Variants in CPE observed in about 807,000 individuals in gnomAD.
CPE encodes carbocypeptidase E.
In CPE, 17 loss-of-function variants were observed where a neutral mutation model predicts 53.5. The ratio of observed to expected loss-of-function variants is 0.32; its 90% CI spans 0.22 to 0.48. The LOEUF is 0.48. Ranked by LOEUF, CPE falls within the 20% of genes least tolerant of loss-of-function variation. The pLI is 0.99. For missense variants in CPE, 524 were observed against 614.7 expected, an observed-to-expected ratio of 0.85 and a Z score of 1.56; for synonymous variants, 226 against 228.8, an observed-to-expected ratio of 0.99 and a Z score of 0.11.
intron 1 of CPE, among the ~76,000 whole-genome samples, chr4:165,418,562 T>C (rs745309960): frequency 3.3e-5 from 5 of 152,206 alleles, no homozygotes; most frequent in Non-Finnish European, 5.9e-5. Flanking sequence ...AAATGAGAGA[T>C]GCGTTATTCC....
Position 165,404,940 on chromosome 4 carries a change from C to A in CPE, c.307+25412C>A, listed in dbSNP as rs1579246032. The A allele has an allele frequency of 9.2e-6, 7 of 759,234 alleles. No individual in the cohort carries two copies. In the East Asian group the frequency reaches 1.7e-4, roughly 19 times the overall value. The allele number at this position is 759,234 out of a possible 1,614,324, so 47.0% of individuals were successfully genotyped here. ...ACTGGGAGAGGAGATGTGTTACTAG[C>A]AAAGACGTAGTGATCTGGAATCACT... On this transcript the variant is annotated intron_variant, in intron 1 of 8. Coordinates refer to ENST00000402744, the MANE Select transcript of CPE (RefSeq NM_001873.4).
chr4:165,457,753 A>G (rs1731925539), intron 1 of CPE, among the ~76,000 whole-genome samples: 1 of 152,216 alleles, frequency 6.6e-6, no homozygotes, highest in African/African-American at 2.4e-5. Flanking sequence ...AAGCAAGAAG[A>G]GAGAATATAA....
At chr4:165,390,603 A>G (rs144185834) in intron 1 of CPE, among the ~76,000 whole-genome samples, 1 of 152,328 alleles carries the variant, frequency 6.6e-6, no homozygotes, top group Non-Finnish European at 1.5e-5. Flanking sequence ...GAATGTTATT[A>G]AATACTTAGA....
chr4:165,389,901 C>T (rs1004679499), intron 1 of CPE, among the ~76,000 whole-genome samples: 3 of 152,136 alleles, frequency 2.0e-5, no homozygotes, highest in Non-Finnish European at 4.4e-5. Flanking sequence ...TCTGTCTTCT[C>T]CTGGAATCAA....
chr4:165,394,873 A>G (rs1308930469), intron 1 of CPE, among the ~76,000 whole-genome samples: 1 of 152,228 alleles, frequency 6.6e-6, no homozygotes, highest in African/African-American at 2.4e-5. Context: ...TATAAGAATC[A>G]TTGATAATAT....
At chr4:165,405,708 T>C (rs1333992254) in intron 1 of CPE, 13 of 827,160 alleles carry the variant, frequency 1.6e-5, no homozygotes, top group African/African-American at 1.7e-5. Context: ...ATTCCACCAA[T>C]TGGTCAACCA....
At position 165,487,422 on chromosome 4, in the gene CPE, T is replaced by C; in HGVS notation, c.974-16T>C. The C allele has an allele frequency of 6.2e-7, 1 of 1,613,402 alleles. No individual in the cohort carries two copies. The highest frequency in any genetic ancestry group is 2.2e-5 in the East Asian group (1 of 44,864). On this transcript the variant is annotated splice_polypyrimidine_tract_variant and intron_variant, in intron 5 of 8. Coordinates refer to ENST00000402744, the MANE Select transcript of CPE (RefSeq NM_001873.4). ...TCCTTGTGCATATTTTGACTTTCCATTTGGTGTTTTGGCAGGGATGCAAGA... is the reference window on the plus strand; with the variant it reads ...TCCTTGTGCATATTTTGACTTTCCACTTGGTGTTTTGGCAGGGATGCAAGA...
intron 1 of CPE, among the ~76,000 whole-genome samples, chr4:165,458,875 ATTTTC>A (rs2126696722): frequency 6.6e-6 from 1 of 152,298 alleles, no homozygotes; most frequent in African/African-American, 2.4e-5. Context: ...GTGAAAGTAA[ATTTTC>A]TTTTCATAGG....
Position 165,379,167 on chromosome 4 carries a change from G to T in CPE, c.-55G>T. ...GGCGGGCTAAGCCCAGGGCCGGGCAGACAAAAGAGGCCGCCCGCGTAGGAA... is the reference window on the plus strand; with the variant it reads ...GGCGGGCTAAGCCCAGGGCCGGGCATACAAAAGAGGCCGCCCGCGTAGGAA... On this transcript the variant is annotated 5_prime_UTR_variant, in exon 1 of 9. Transcript: ENST00000402744. The surrounding 1 kb of genome is among the most constrained non-coding windows in gnomAD (Gnocchi z 6.0). 8.2e-7 allele frequency: 1 copy of T among 1,214,816 alleles called. No homozygotes were observed. Among genetic ancestry groups the T allele is most frequent in the South Asian group, 4.1e-5 (1 of 24,182 alleles). 75.3% of individuals were successfully genotyped at this position (1,214,816 alleles called of 1,614,324 possible).
chr4:165,492,975 C>G (rs75339127), intron 6 of CPE, among the ~76,000 whole-genome samples, 196 bp from the exon 7 acceptor site: 1 of 152,064 alleles, frequency 6.6e-6, no homozygotes, highest in East Asian at 1.9e-4. Flanking sequence ...TTAATTTTCA[C>G]TTATCTATTT....
At chr4:165,479,696 C>A (rs1438320114) in intron 3 of CPE, among the ~76,000 whole-genome samples, 2 of 151,818 alleles carry the variant, frequency 1.3e-5, no homozygotes, top group Admixed American at 6.6e-5. Context: ...ATTTTTTTTA[C>A]TAAACAACTC....
At chr4:165,409,918 T>G (rs1262259953) in intron 1 of CPE, among the ~76,000 whole-genome samples, 1 of 152,004 alleles carries the variant, frequency 6.6e-6, no homozygotes, top group Non-Finnish European at 1.5e-5. Context: ...CCACACAGGT[T>G]TTTTTCAAAA....
chr4:165,430,937 T>C (rs1259609064), intron 1 of CPE, among the ~76,000 whole-genome samples: 7 of 152,198 alleles, frequency 4.6e-5, no homozygotes, highest in African/African-American at 2.4e-5. Flanking sequence ...CAGGAGAAGC[T>C]CTGACCTCGG....
intron 3 of CPE, among the ~76,000 whole-genome samples, chr4:165,473,161 A>G (rs747761587): frequency 6.6e-6 from 1 of 152,218 alleles, no homozygotes; most frequent in Admixed American, 6.5e-5. Flanking sequence ...TCTCTTTCAC[A>G]GATCTTTTCA....
intron 3 of CPE, among the ~76,000 whole-genome samples, chr4:165,480,107 T>A (rs1431354494): frequency 2.6e-5 from 4 of 152,130 alleles, no homozygotes; most frequent in Non-Finnish European, 5.9e-5. Context: ...CTAGTTTTAT[T>A]AGTTAATTAA....
chr4:165,493,231 A>G lies in CPE; in HGVS notation c.1174A>G (p.Thr392Ala). The change falls in exon 7 of 9, where the codon ACC (threonine) becomes GCC (alanine). Residue 392 changes from threonine to alanine, a missense_variant. Physicochemically the swap from Thr to Ala is moderately conservative, Grantham distance 58 (BLOSUM62 0). Transcript: ENST00000402744. Reference protein sequence around the residue: ...DLQGNPIANATISVEGIDHDV... With the variant: ...DLQGNPIANAAISVEGIDHDV... ...TCAAGGTAACCCAATTGCGAATGCC[A>G]CCATCTCCGTGGAAGGAATAGACCA... 1 of 1,614,154 alleles carries G rather than the reference A, an allele frequency of 6.2e-7. No homozygotes were observed. Among genetic ancestry groups the G allele is most frequent in the Non-Finnish European group, 8.5e-7 (1 of 1,179,982 alleles).
At chr4:165,461,176 A>G (rs113632004) in intron 1 of CPE, among the ~76,000 whole-genome samples, 1 of 27,570 alleles carries the variant, frequency 3.6e-5, no homozygotes, top group South Asian at 7.2e-4. Context: ...CAAAAAAAAA[A>G]AAAAAAAAAA....
intron 3 of CPE, among the ~76,000 whole-genome samples, chr4:165,471,185 T>A (rs748238208): frequency 3.3e-5 from 5 of 152,182 alleles, no homozygotes; most frequent in Non-Finnish European, 5.9e-5. Context: ...AAGACTTGTG[T>A]GGATGGGGTT....
intron 2 of CPE, 49 bp downstream of exon 2, chr4:165,464,635 T>C (rs777810098): frequency 5.4e-5 from 79 of 1,468,906 alleles, no homozygotes; most frequent in Non-Finnish European, 7.0e-5. Context: ...ATTTTCTGTA[T>C]GTTTGTACAT....
Sources: allele counts gnomAD v4.1 joint callset (sites outside exome capture counted in the v4.1 genomes callset), GRCh38; gene constraint gnomAD v4.1.1; non-coding constraint Gnocchi (gnomAD v3.1); transcripts MANE v1.5; gene names NCBI Gene and HGNC (gene_info 2026-07-23, HGNC 2026-07-21).